PHF20: variants seen among roughly 807,000 people sequenced by gnomAD.
The protein encoded by PHF20 is PHD finger protein 20.
A neutral mutation model predicts 113.5 loss-of-function variants in PHF20; 23 were observed. The ratio of observed to expected loss-of-function variants is 0.20; its 90% CI spans 0.15 to 0.29. The LOEUF (loss-of-function observed/expected upper bound fraction) is 0.29, where lower values mean the gene tolerates loss of function less well. Among genes scored for constraint, PHF20 ranks in the 10% least tolerant of loss-of-function variants. The pLI, the probability that PHF20 is intolerant of heterozygous loss-of-function variation, is 1.00. For missense variants in PHF20, 943 were observed against 1,219.6 expected (o/e 0.77, Z 3.38); for synonymous variants, 434 against 457.3 (o/e 0.95, Z 0.65).
chr20:35,941,115 T>C, intron 17 of PHF20, 68 bp downstream of exon 17: 1 of 1,333,728 alleles, frequency 7.5e-7, no homozygotes, highest in Non-Finnish European at 1.0e-6. Context: ...AGCTGCTTTC[T>C]GAACCCCCCA....
At chr20:35,849,726 A>G (rs912059909) in intron 4 of PHF20, among the ~76,000 whole-genome samples, 2 of 151,950 alleles carry the variant, frequency 1.3e-5, no homozygotes, top group Admixed American at 6.6e-5. Context: ...CACCAGCTTA[A>G]TGGCCCTGCG....
chr20:35,832,008 C>T (rs1211342175), intron 2 of PHF20, among the ~76,000 whole-genome samples: 1 of 152,192 alleles, frequency 6.6e-6, no homozygotes, highest in Admixed American at 6.5e-5. Context: ...GCAGCCCATC[C>T]ATAAGATCCT....
chr20:35,896,258 T>C (rs2054980740), intron 9 of PHF20, among the ~76,000 whole-genome samples: 1 of 152,096 alleles, frequency 6.6e-6, no homozygotes, highest in East Asian at 1.9e-4. Flanking sequence ...GAAAAAGTAA[T>C]CATAATACTT....
chr20:35,853,815 C>T (rs888192005), intron 4 of PHF20, among the ~76,000 whole-genome samples: 4 of 149,982 alleles, frequency 2.7e-5, no homozygotes, highest in African/African-American at 9.9e-5. Context: ...AGTGCAGTGG[C>T]GCGATGTCAG....
intron 1 of PHF20, among the ~76,000 whole-genome samples, chr20:35,789,951 T>C (rs369011424): frequency 4.7e-5 from 7 of 150,062 alleles, no homozygotes; most frequent in African/African-American, 1.7e-4. Context: ...GCCTCCCGGG[T>C]TCAGGCAATT....
intron 6 of PHF20, among the ~76,000 whole-genome samples, chr20:35,863,663 A>G (rs1229769410): frequency 3.3e-5 from 5 of 152,244 alleles, no homozygotes; most frequent in Admixed American, 3.3e-4. Flanking sequence ...AGCTTATATG[A>G]TAAAACCTGA....
chr20:35,941,618 A>C (rs1195086847), intron 17 of PHF20, among the ~76,000 whole-genome samples: 1 of 152,184 alleles, frequency 6.6e-6, no homozygotes, highest in Non-Finnish European at 1.5e-5. Flanking sequence ...CTCTCCAGGA[A>C]GTTGACGGTT....
At chr20:35,932,368 T>C (rs2055775179) in intron 15 of PHF20, among the ~76,000 whole-genome samples, 1 of 149,474 alleles carries the variant, frequency 6.7e-6, no homozygotes, top group African/African-American at 2.5e-5. Context: ...TGTACCTGGC[T>C]GAGTTATTTG....
chr20:35,800,877 G>T (rs934229600), intron 1 of PHF20, among the ~76,000 whole-genome samples: 1 of 151,962 alleles, frequency 6.6e-6, no homozygotes, highest in Non-Finnish European at 1.5e-5. Flanking sequence ...GTTTTTAAGA[G>T]ACGAGCGTTT....
intron 6 of PHF20, among the ~76,000 whole-genome samples, chr20:35,864,251 A>G (rs1014821516): frequency 2.0e-5 from 3 of 152,206 alleles, no homozygotes; most frequent in Admixed American, 1.3e-4. Context: ...ACAAGTTTAA[A>G]TAGCTGCAGT....
rs920144086 is a variant in PHF20 at position 35,815,470 on chromosome 20, C to CT, written c.83+13875dup. Among the ~76,000 whole-genome samples the CT allele has an allele frequency of 3.8e-4, 56 of 148,310 alleles. No homozygotes were observed. The East Asian group carries it at 8.2e-3, about 22-fold the overall frequency. On this transcript the variant is annotated intron_variant, in intron 2 of 17. Transcript: ENST00000374012. ...GGCATGTGCCTGTAATTCTTTTATT[C>CT]TTTTTTTTTTGAGGCAGAGTCTTGC...
At chr20:35,916,223 A>G (rs1400948315) in intron 12 of PHF20, among the ~76,000 whole-genome samples, 6 of 152,274 alleles carry the variant, frequency 3.9e-5, no homozygotes, top group African/African-American at 1.2e-4. Flanking sequence ...TGCTTTTGCA[A>G]TAATGGTGTC....
rs2042644310 is a variant in PHF20 at position 35,847,465 on chromosome 20, T to C, written c.340+31T>C. The C allele has an allele frequency of 2.1e-6, 3 of 1,417,756 alleles. No homozygotes were observed. The African/African-American group carries it at 4.2e-5, about 20-fold the overall frequency. 87.8% of individuals were successfully genotyped at this position (1,417,756 alleles called of 1,614,324 possible). On this transcript the variant is annotated intron_variant, in intron 4 of 17. Transcript: ENST00000374012. ...GCATTTGAGTTGTAGTTGTTTTTAC[T>C]CATGACTTAGGTGGTGGGGGGGGAT...
At chr20:35,884,282 A>G (rs1041904443) in intron 9 of PHF20, among the ~76,000 whole-genome samples, 1 of 152,194 alleles carries the variant, frequency 6.6e-6, no homozygotes, top group East Asian at 1.9e-4. Context: ...TCGGTGCCAT[A>G]GTCTTGCGTT....
chr20:35,906,845 C>T (rs558359163), intron 10 of PHF20, among the ~76,000 whole-genome samples: 3 of 152,094 alleles, frequency 2.0e-5, no homozygotes, highest in Non-Finnish European at 4.4e-5. Flanking sequence ...ACCACATGAG[C>T]TAAGAAGAAT....
At chr20:35,938,317 T>C (rs1476655481) in intron 15 of PHF20, among the ~76,000 whole-genome samples, 1 of 152,160 alleles carries the variant, frequency 6.6e-6, no homozygotes, top group Non-Finnish European at 1.5e-5. Flanking sequence ...GAGGGGTCCA[T>C]TCAGGTTGGT....
chr20:35,890,296 C>T (rs1049656327), intron 9 of PHF20, among the ~76,000 whole-genome samples: 1 of 152,140 alleles, frequency 6.6e-6, no homozygotes, highest in Non-Finnish European at 1.5e-5. Context: ...TCCCAAAGTG[C>T]TGGAATTACA....
chr20:35,837,713 G>A (rs1332088438), intron 2 of PHF20, among the ~76,000 whole-genome samples: 2 of 152,190 alleles, frequency 1.3e-5, no homozygotes, highest in African/African-American at 2.4e-5. Context: ...CAGAACACAT[G>A]TTTGTATAAT....
chr20:35,865,821 T>C (rs1016907315), intron 6 of PHF20, among the ~76,000 whole-genome samples: 4 of 152,096 alleles, frequency 2.6e-5, no homozygotes, highest in Admixed American at 6.5e-5. Context: ...AACCCTCTTA[T>C]GTGATGAGTA....
Sources: allele counts gnomAD v4.1 joint callset (sites outside exome capture counted in the v4.1 genomes callset), GRCh38; gene constraint gnomAD v4.1.1; transcripts MANE v1.5; gene names NCBI Gene and HGNC (gene_info 2026-07-23, HGNC 2026-07-21).